Variants in ZFPM2 observed in about 807,000 individuals in gnomAD.
ZFPM2 encodes the protein zinc finger protein ZFPM2.
In ZFPM2, 20 loss-of-function variants were observed where a neutral mutation model predicts 98.6. That is an observed-to-expected ratio of 0.20 (90% CI 0.14 to 0.29). The LOEUF is 0.29. Among genes scored for constraint, ZFPM2 ranks in the 10% least tolerant of loss-of-function variants. The pLI is 1.00. For missense variants in ZFPM2, 1,310 were observed against 1,388.6 expected, an observed-to-expected ratio of 0.94 and a Z score of 0.90; for synonymous variants, 518 against 502.7, an observed-to-expected ratio of 1.03 and a Z score of -0.41.
intron 3 of ZFPM2, among the ~76,000 whole-genome samples, chr8:105,491,634 G>C (rs1813358284): frequency 2.0e-5 from 3 of 152,102 alleles, no homozygotes; most frequent in Non-Finnish European, 4.4e-5. Flanking sequence ...AGATGAATTT[G>C]TCTGTAATTA....
At chr8:105,600,315 T>A (rs1816065222) in intron 4 of ZFPM2, among the ~76,000 whole-genome samples, 1 of 152,274 alleles carries the variant, frequency 6.6e-6, no homozygotes, top group South Asian at 2.1e-4. Context: ...TAAAATATAC[T>A]CTGAAATGTT....
intron 3 of ZFPM2, among the ~76,000 whole-genome samples, chr8:105,540,302 C>G (rs1814549381): frequency 6.6e-6 from 1 of 152,054 alleles, no homozygotes; most frequent in Non-Finnish European, 1.5e-5. Flanking sequence ...AATGCCGACT[C>G]TGCTACTTGA....
chr8:105,347,887 A>T (rs559322533), intron 1 of ZFPM2, among the ~76,000 whole-genome samples: 1 of 152,274 alleles, frequency 6.6e-6, no homozygotes, highest in Non-Finnish European at 1.5e-5. Flanking sequence ...AACAAAAATG[A>T]TAACCACCGC....
intron 3 of ZFPM2, among the ~76,000 whole-genome samples, chr8:105,540,257 G>A (rs1185757255): frequency 6.6e-6 from 1 of 152,084 alleles, no homozygotes; most frequent in African/African-American, 2.4e-5. Context: ...GTTGGAGGAT[G>A]TTAAGCAAGT....
intron 5 of ZFPM2, among the ~76,000 whole-genome samples, chr8:105,667,425 A>G (rs548430232): frequency 6.8e-4 from 104 of 152,312 alleles, no homozygotes; most frequent in East Asian, 5.2e-3. Flanking sequence ...GCGTAGGTAA[A>G]ATGATTCATT....
chr8:105,411,382 C>G (rs745677272), intron 1 of ZFPM2, among the ~76,000 whole-genome samples: 1 of 151,736 alleles, frequency 6.6e-6, no homozygotes, highest in African/African-American at 2.4e-5. Flanking sequence ...ATTATCCACT[C>G]ACTTTGGGCT....
chr8:105,502,643 G>A (rs1484478071), intron 3 of ZFPM2, among the ~76,000 whole-genome samples: 1 of 152,224 alleles, frequency 6.6e-6, no homozygotes, highest in Non-Finnish European at 1.5e-5. Context: ...ATGGTTTTGT[G>A]AAGAGCAAAT....
At chr8:105,667,108 A>C (rs201395353) in intron 5 of ZFPM2, among the ~76,000 whole-genome samples, 2 of 152,310 alleles carry the variant, frequency 1.3e-5, no homozygotes, top group East Asian at 3.9e-4. Context: ...TATTTGGCAG[A>C]TATTTTCTCA....
chr8:105,589,881 C>G (rs1325473821), intron 4 of ZFPM2, among the ~76,000 whole-genome samples: 1 of 141,630 alleles, frequency 7.1e-6, no homozygotes, highest in Non-Finnish European at 1.6e-5. Flanking sequence ...GCCACCAAGT[C>G]TGGCTAATTT....
chr8:105,427,490 A>G (rs766250735), intron 2 of ZFPM2, among the ~76,000 whole-genome samples: 3 of 152,230 alleles, frequency 2.0e-5, no homozygotes, highest in African/African-American at 4.8e-5. Flanking sequence ...TAAGCTTGAT[A>G]AAAAGCTCTT....
intron 5 of ZFPM2, among the ~76,000 whole-genome samples, chr8:105,686,758 T>A (rs1810746296): frequency 6.6e-6 from 1 of 152,184 alleles, no homozygotes; most frequent in Non-Finnish European, 1.5e-5. Flanking sequence ...TTTTAAAAAA[T>A]CATATAGGTG....
chr8:105,424,341 T>A (rs1811863195), intron 2 of ZFPM2, among the ~76,000 whole-genome samples: 1 of 152,160 alleles, frequency 6.6e-6, no homozygotes, highest in African/African-American at 2.4e-5. Context: ...TTATGCCTCT[T>A]CCTTGCATCT....
intron 2 of ZFPM2, among the ~76,000 whole-genome samples, chr8:105,435,873 TC>T (rs1468826339): frequency 6.6e-6 from 1 of 152,214 alleles, no homozygotes; most frequent in East Asian, 1.9e-4. Flanking sequence ...CACTTATTTT[TC>T]ATTAGTAAAA....
rs112218656 is a variant in ZFPM2, at chr8:105,349,464, G to A, written c.40+30483G>A. ...CAATACAAGGTATAACCTGGAATGA[G>A]CCATAGGGTATTTTGATTAATTGAG... On this transcript the variant is annotated intron_variant, in intron 1 of 7. Transcript: ENST00000407775. Among the ~76,000 whole-genome samples, 1,386 of 152,264 alleles carry A rather than the reference G, an allele frequency of 9.1e-3. 18 individuals are homozygous for A. The highest frequency in any genetic ancestry group is 0.032 in the African/African-American group (1,320 of 41,550).
At chr8:105,432,441 T>G (rs1026247690) in intron 2 of ZFPM2, among the ~76,000 whole-genome samples, 4 of 152,222 alleles carry the variant, frequency 2.6e-5, no homozygotes, top group Admixed American at 2.6e-4. Flanking sequence ...CTTAGCATTT[T>G]GAATGTGTAG....
At chr8:105,351,841 T>C (rs1169076119) in intron 1 of ZFPM2, among the ~76,000 whole-genome samples, 3 of 152,168 alleles carry the variant, frequency 2.0e-5, no homozygotes, top group Admixed American at 1.3e-4. Flanking sequence ...AAGGCTCTAT[T>C]TTATATTAAA....
At chr8:105,566,075 G>T (rs911194701) in intron 4 of ZFPM2, among the ~76,000 whole-genome samples, 11 of 152,086 alleles carry the variant, frequency 7.2e-5, no homozygotes, top group Non-Finnish European at 1.3e-4. Context: ...GTCTATTCGG[G>T]CTTTCAGTTG....
intron 1 of ZFPM2, among the ~76,000 whole-genome samples, chr8:105,370,285 A>G (rs557365779): frequency 1.3e-5 from 2 of 152,366 alleles, no homozygotes; most frequent in African/African-American, 2.4e-5. Flanking sequence ...CTCAATAAGT[A>G]TTAGTTCTTT....
intron 1 of ZFPM2, among the ~76,000 whole-genome samples, chr8:105,336,721 CACACACACAG>C (rs1289563564): frequency 1.3e-5 from 2 of 150,842 alleles, no homozygotes; most frequent in Non-Finnish European, 3.0e-5. Context: ...CACACACACA[CACACACACAG>C]ACATATACAT....
Sources: gnomAD v4.1 joint callset for allele counts (sites outside exome capture counted in the v4.1 genomes callset) on GRCh38, gnomAD v4.1.1 for gene constraint, MANE v1.5 for transcripts, NCBI Gene and HGNC (gene_info 2026-07-23, HGNC 2026-07-21) for gene names.